DHX37: variants seen among roughly 807,000 people sequenced by gnomAD.
The protein encoded by DHX37 is probable ATP-dependent RNA helicase DHX37.
A neutral mutation model predicts 134.3 loss-of-function variants in DHX37; 52 were observed. That is an observed-to-expected ratio of 0.39 (90% CI 0.31 to 0.49). The LOEUF is 0.49. Ranked by LOEUF, DHX37 falls within the 20% of genes least tolerant of loss-of-function variation. DHX37 has a pLI of 0.93. For missense variants in DHX37, 1,344 were observed against 1,580.8 expected (o/e 0.85, Z 2.54); for synonymous variants, 634 against 670.7 (o/e 0.95, Z 0.85).
At chr12:124,983,318 C>T (rs892542179) in intron 2 of DHX37, among the ~76,000 whole-genome samples, 11 of 151,546 alleles carry the variant, frequency 7.3e-5, no homozygotes, top group South Asian at 6.3e-4. Context: ...ACCGTGGTCT[C>T]GATCTCCTGA....
intron 15 of DHX37, 113 bp from the exon 16 acceptor site, chr12:124,960,536 T>C (rs1954215249): frequency 6.7e-7 from 1 of 1,490,138 alleles, no homozygotes; most frequent in Non-Finnish European, 9.0e-7. Context: ...GTCATGCCAC[T>C]GGGACTGGAT....
chr12:124,970,080 C>A (rs1954483046), intron 8 of DHX37, among the ~76,000 whole-genome samples: 1 of 152,254 alleles, frequency 6.6e-6, no homozygotes, highest in Admixed American at 6.5e-5. Context: ...TCAAGTGATT[C>A]TCCTGCCTCA....
In DHX37 at chr12:124,961,159, CACTT is replaced by C. The variant is rs1228681233; in HGVS notation, c.2046-740_2046-737del. On this transcript the variant is annotated intron_variant, in intron 15 of 26. Coordinates refer to ENST00000308736, the MANE Select transcript of DHX37 (RefSeq NM_032656.4). ...ATACACGCGTGCACGCACGCACACACACTTACATACACGCGCGCATGCGCGCACG... is the reference window on the plus strand; with the variant it reads ...ATACACGCGTGCACGCACGCACACACACATACACGCGCGCATGCGCGCACG... 9.9e-5 allele frequency among the ~76,000 whole-genome samples: 15 copies of C among 150,920 alleles called. No individual in the cohort carries two copies. In the South Asian group the frequency reaches 1.0e-3, roughly 10 times the overall value.
intron 2 of DHX37, 90 bp downstream of exon 2, chr12:124,986,006 C>T: frequency 1.3e-6 from 2 of 1,512,874 alleles, no homozygotes; most frequent in Non-Finnish European, 1.8e-6. Flanking sequence ...CTATTAGTTG[C>T]ACCACAGAGA....
At chr12:124,979,024 C>T (rs1234470839) in intron 4 of DHX37, among the ~76,000 whole-genome samples, 2 of 151,670 alleles carry the variant, frequency 1.3e-5, no homozygotes, top group Non-Finnish European at 3.0e-5. Flanking sequence ...AACTTCTGCA[C>T]ATGCGCTCAT....
intron 3 of DHX37, among the ~76,000 whole-genome samples, chr12:124,981,889 C>T (rs1393990458): frequency 2.0e-5 from 3 of 151,586 alleles, no homozygotes; most frequent in East Asian, 2.0e-4. Context: ...TTTGGGAGGC[C>T]GAGGCGGGCA....
intron 2 of DHX37, among the ~76,000 whole-genome samples, chr12:124,984,388 C>A (rs1954823418): frequency 6.6e-6 from 1 of 152,042 alleles, no homozygotes; most frequent in African/African-American, 2.4e-5. Context: ...ACAAAGTTAG[C>A]CGGACGTGGT....
rs1252121976 is a variant in DHX37 at position 124,952,554 on chromosome 12, G to A, written c.2712C>T (p.Pro904=). The change falls in exon 21 of 27, where the codon CCC becomes CCT. Residue 904 remains proline (P), a synonymous_variant. Transcript: ENST00000308736. ...TGGGATCCACGAAGAGCTCAGCCTC[G>A]GGGCACACGGCATTGACTGAGGGGA... is the stretch of plus-strand genomic sequence containing the variant. The part of the protein sequence containing the change: ...QLTTAVNAVC[P]EAELFVDPKM... 7 of 1,591,062 alleles carry A rather than the reference G, an allele frequency of 4.4e-6. No homozygotes were observed. Among genetic ancestry groups the A allele is most frequent in the African/African-American group, 1.3e-5 (1 of 74,382 alleles).
intron 16 of DHX37, among the ~76,000 whole-genome samples, 195 bp from the exon 17 acceptor site, chr12:124,957,330 C>T (rs560346289): frequency 6.6e-6 from 1 of 152,330 alleles, no homozygotes; most frequent in South Asian, 2.1e-4. Flanking sequence ...ACTCACTCAC[C>T]TCATCCATTC....
At chr12:124,979,070 G>A (rs1179489189) in intron 4 of DHX37, among the ~76,000 whole-genome samples, 1 of 152,136 alleles carries the variant, frequency 6.6e-6, no homozygotes, top group Non-Finnish European at 1.5e-5. Context: ...AAGCAGTGAA[G>A]GCTAGTCATG....
rs141705513 is a variant in DHX37, at chr12:124,950,420, G to A, written c.3114C>T (p.Ser1038=). Residue 1038 remains serine, a synonymous_variant, in exon 23 of 27, where the codon AGC becomes AGT. Transcript: ENST00000308736. ...ERGRVLCHRA[S]VFYRVGWPLP... ...GACACTGCCCCAACTCACAGAACAC[G>A]CTGGCCCGGTGACACAGCACCCGCC... is the stretch of plus-strand genomic sequence containing the variant. 3.4e-5 allele frequency: 54 copies of A among 1,599,314 alleles called. No individual in the cohort carries two copies. In the Middle Eastern group the frequency reaches 9.6e-4, roughly 28 times the overall value.
At position 124,960,776 on chromosome 12, in the gene DHX37, A is replaced by G. The variant is rs1954221406; in HGVS notation, c.2046-353T>C. Among the ~76,000 whole-genome samples, 3 of 152,194 alleles carry G rather than the reference A, an allele frequency of 2.0e-5. No individual in the cohort carries two copies. In the South Asian group the frequency reaches 6.2e-4, roughly 32 times the overall value. On this transcript the variant is annotated intron_variant, in intron 15 of 26. Transcript: ENST00000308736. ...CAAGACCAGCCTGGCCAACATGGGG[A>G]AACCCCCATCTCTACTAAAAATACA...
chr12:124,956,904 G>A (rs776678761), intron 17 of DHX37, 25 bp from the exon 18 acceptor site: 16 of 1,570,542 alleles, frequency 1.0e-5, no homozygotes, highest in Non-Finnish European at 5.2e-6. Flanking sequence ...GGTGGTGGCA[G>A]TGCTCTGAGA....
At chr12:124,961,273 TGCACGCACACACACTTACACGCGTGCAC>T (rs1954253418) in intron 15 of DHX37, among the ~76,000 whole-genome samples, 1 of 102,654 alleles carries the variant, frequency 9.7e-6, no homozygotes, top group South Asian at 3.0e-4. Context: ...CATACACGCG[TGCACGCACACACACTTACACGCGTGCAC>T]GCACGCACAC....
chr12:124,984,065 C>A (rs959384054), intron 2 of DHX37, among the ~76,000 whole-genome samples: 1 of 152,198 alleles, frequency 6.6e-6, no homozygotes, highest in Non-Finnish European at 1.5e-5. Flanking sequence ...TGGCTCCACC[C>A]GCCAGATGCC....
At position 124,987,083 on chromosome 12, in the gene DHX37, C is replaced by T. The variant is rs536644475; in HGVS notation, c.107-818G>A. On this transcript the variant is annotated intron_variant, in intron 1 of 26. Transcript: ENST00000308736. The stretch of plus-strand genomic sequence containing the variant: ...TAAGAGTGTACGGTGGGGCCGGGCG[C>T]GGTGGCGCACGCCTGCAATCCCAGC... Among the ~76,000 whole-genome samples the T allele has an allele frequency of 9.1e-4, 139 of 152,310 alleles. 1 individual carries two copies. The highest frequency in any genetic ancestry group is 1.7e-3 in the Non-Finnish European group (113 of 68,026).
chr12:124,966,943 T>C, intron 11 of DHX37, 65 bp from the exon 12 acceptor site: 1 of 1,602,470 alleles, frequency 6.2e-7, no homozygotes, highest in Non-Finnish European at 8.6e-7. Flanking sequence ...CACACTGCCC[T>C]TTGTTGTTCA....
At chr12:124,967,311 G>A in intron 10 of DHX37, 93 bp from the exon 11 acceptor site, 1 of 1,383,028 alleles carries the variant, frequency 7.2e-7, no homozygotes, top group Non-Finnish European at 9.9e-7. Flanking sequence ...TGAGAGGCAA[G>A]GTTCCAGGGA....
intron 21 of DHX37, 28 bp from the exon 22 acceptor site, chr12:124,950,832 A>G (rs1161535489): frequency 6.4e-7 from 1 of 1,568,778 alleles, no homozygotes; most frequent in Non-Finnish European, 8.6e-7. Context: ...TGATGTGGTC[A>G]GGGAAGAACC....
Sources: gnomAD v4.1 joint callset for allele counts (sites outside exome capture counted in the v4.1 genomes callset) on GRCh38, gnomAD v4.1.1 for gene constraint, MANE v1.5 for transcripts, NCBI Gene and HGNC (gene_info 2026-07-23, HGNC 2026-07-21) for gene names.